GABRB3: variants seen among roughly 807,000 people sequenced by gnomAD.
GABRB3 encodes gamma-aminobutyric acid receptor subunit beta-3.
GABRB3 carries 14 observed loss-of-function variants against 52.1 expected under a neutral mutation model. The ratio of observed to expected loss-of-function variants is 0.27; its 90% CI spans 0.18 to 0.42. The LOEUF is 0.42. Ranked by LOEUF, GABRB3 falls within the 10% of genes least tolerant of loss-of-function variation. GABRB3 has a pLI of 1.00. For missense variants in GABRB3, 307 were observed against 609.1 expected (o/e 0.50, Z 5.22); for synonymous variants, 260 against 232.3 (o/e 1.12, Z -1.08).
intron 3 of GABRB3, among the ~76,000 whole-genome samples, chr15:26,764,134 TGA>T (rs1299842521): frequency 8.7e-6 from 1 of 114,458 alleles, no homozygotes; most frequent in Admixed American, 1.1e-4. Context: ...TGGGCAACAG[TGA>T]GAGACTCGGT....
intron 8 of GABRB3, chr15:26,557,902 T>C (rs1889816378): frequency 6.6e-6 from 1 of 152,228 alleles, no homozygotes. Flanking sequence ...TTTTTTTGTC[T>C]TTTTATCTTA....
At chr15:26,610,390 C>T (rs1595480486) in intron 4 of GABRB3, among the ~76,000 whole-genome samples, 1 of 152,218 alleles carries the variant, frequency 6.6e-6, no homozygotes, top group Admixed American at 6.5e-5. Context: ...CTAGACCAAA[C>T]CCCTGGTATT....
chr15:26,604,445 C>T lies in GABRB3; in HGVS notation c.461+16869G>A, dbSNP rs949708736. ...AAAATTTATATGGAATCATAAGAAG[C>T]TCAGAATAGCCCACGCTATCCTAAG... On this transcript the variant is annotated intron_variant, in intron 4 of 8. Transcript: ENST00000311550. Among the ~76,000 whole-genome samples the T allele has an allele frequency of 2.0e-5, 3 of 152,180 alleles. No homozygotes were observed. The East Asian group carries it at 5.8e-4, about 29-fold the overall frequency.
At chr15:26,583,281 G>A (rs753303570) in intron 5 of GABRB3, 51 bp downstream of exon 5, 27 of 1,448,256 alleles carry the variant, frequency 1.9e-5, no homozygotes, top group Non-Finnish European at 2.4e-5. Context: ...AATGACAAAA[G>A]GATCAAAAGT....
At chr15:26,740,336 T>G (rs1890169384) in intron 3 of GABRB3, among the ~76,000 whole-genome samples, 1 of 151,978 alleles carries the variant, frequency 6.6e-6, no homozygotes, top group Admixed American at 6.6e-5. Flanking sequence ...GAAGTAGTGA[T>G]CAATTCACCC....
chr15:26,745,048 G>T (rs1342539623), intron 3 of GABRB3, among the ~76,000 whole-genome samples: 1 of 152,094 alleles, frequency 6.6e-6, no homozygotes, highest in Non-Finnish European at 1.5e-5. Flanking sequence ...ACATCCCTTG[G>T]CGAGAACAGG....
At chr15:26,574,062 T>A (rs12915848) in intron 6 of GABRB3, among the ~76,000 whole-genome samples, 2,360 of 152,196 alleles carry the variant, frequency 0.016, 46 homozygotes, top group Middle Eastern at 0.037. Flanking sequence ...AAGAAAAGAA[T>A]GCTTATAAAA....
At chr15:26,682,398 T>C (rs2140649642) in intron 3 of GABRB3, among the ~76,000 whole-genome samples, 1 of 152,298 alleles carries the variant, frequency 6.6e-6, no homozygotes, top group East Asian at 1.9e-4. Context: ...ACATAAAGCC[T>C]TATCATGGAG....
intron 3 of GABRB3, among the ~76,000 whole-genome samples, chr15:26,688,633 T>A (rs1228937589): frequency 6.6e-6 from 1 of 152,166 alleles, no homozygotes; most frequent in East Asian, 1.9e-4. Flanking sequence ...ATTGCTTATG[T>A]CCATCTGGAG....
chr15:26,573,678 T>C (rs748771363), intron 6 of GABRB3, among the ~76,000 whole-genome samples: 2 of 152,182 alleles, frequency 1.3e-5, no homozygotes, highest in African/African-American at 4.8e-5. Flanking sequence ...TGCTCCAAAG[T>C]GTACCGTCAA....
chr15:26,594,440 T>A (rs528659318), intron 4 of GABRB3, among the ~76,000 whole-genome samples: 1 of 152,328 alleles, frequency 6.6e-6, no homozygotes, highest in South Asian at 2.1e-4. Flanking sequence ...TCAAGTTTAA[T>A]CAGTGAAGTC....
intron 3 of GABRB3, among the ~76,000 whole-genome samples, chr15:26,672,188 T>C (rs1887919623): frequency 6.6e-6 from 1 of 152,182 alleles, no homozygotes; most frequent in African/African-American, 2.4e-5. Context: ...TGAAGACATT[T>C]GAGAATCAAG....
chr15:26,670,196 C>T lies in GABRB3; in HGVS notation c.241-48662G>A, dbSNP rs149112444. ...CGCGGGCTCAAGCCCAGCGGGTAAG[C>T]GGGGCGGGGCGGCGAGCGGGAGGGA... On this transcript the variant is annotated intron_variant, in intron 3 of 8. Coordinates refer to ENST00000311550, the MANE Select transcript of GABRB3 (RefSeq NM_000814.6). 7.7e-3 allele frequency among the ~76,000 whole-genome samples: 1,167 copies of T among 152,288 alleles called. 14 individuals carry two copies. Among genetic ancestry groups the T allele is most frequent in the African/African-American group, 0.025 (1,025 of 41,582 alleles).
At chr15:26,667,586 G>A (rs1004441105) in intron 3 of GABRB3, among the ~76,000 whole-genome samples, 1 of 152,154 alleles carries the variant, frequency 6.6e-6, no homozygotes. Flanking sequence ...TTCATAATAT[G>A]TTCTCTTTGG....
In GABRB3 at chr15:26,703,152, CT is replaced by C. The variant is rs1295317711; in HGVS notation, c.240+69249del. Among the ~76,000 whole-genome samples the C allele has an allele frequency of 2.6e-5, 4 of 152,300 alleles. No individual in the cohort carries two copies. In the East Asian group the frequency reaches 7.7e-4, roughly 29 times the overall value. ...AAGCATCATTTTACTCCATTTTGTA[CT>C]GCCATAACAGAATGCCTAAGACTGG... On this transcript the variant is annotated intron_variant, in intron 3 of 8. Transcript: ENST00000311550.
At chr15:26,591,342 G>A (rs1214430489) in intron 4 of GABRB3, among the ~76,000 whole-genome samples, 2 of 152,178 alleles carry the variant, frequency 1.3e-5, no homozygotes, top group Non-Finnish European at 2.9e-5. Flanking sequence ...CTTCTGAGGA[G>A]TGTCATAAGA....
intron 6 of GABRB3, 126 bp from the exon 7 acceptor site, chr15:26,567,859 C>A: frequency 1.1e-6 from 1 of 885,760 alleles, no homozygotes; most frequent in Non-Finnish European, 1.8e-6. Context: ...GACCCACCAC[C>A]AAGCAGTTTG....
At chr15:26,766,792 T>C (rs545068917) in intron 3 of GABRB3, among the ~76,000 whole-genome samples, 5 of 151,658 alleles carry the variant, frequency 3.3e-5, no homozygotes, top group African/African-American at 9.7e-5. Context: ...TGCCCCATCA[T>C]GTCAAACTAA....
intron 3 of GABRB3, 145 bp downstream of exon 3, chr15:26,772,257 C>T: frequency 1.5e-6 from 1 of 664,992 alleles, no homozygotes; most frequent in South Asian, 2.1e-5. Context: ...AAGCGAGGGG[C>T]CGGCGCCTGG....
Sources: allele counts gnomAD v4.1 joint callset (sites outside exome capture counted in the v4.1 genomes callset), GRCh38; gene constraint gnomAD v4.1.1; transcripts MANE v1.5; gene names NCBI Gene and HGNC (gene_info 2026-07-23, HGNC 2026-07-21).